BCAR3: variants seen among roughly 807,000 people sequenced by gnomAD.
The protein encoded by BCAR3 is breast cancer anti-estrogen resistance protein 3.
A neutral mutation model predicts 80.1 loss-of-function variants in BCAR3; 37 were observed. The observed-to-expected ratio is 0.46, with a 90% CI of 0.36 to 0.61. The LOEUF is 0.61. Among genes scored for constraint, BCAR3 ranks in the 20% least tolerant of loss-of-function variants. BCAR3 has a pLI of 0.00. For synonymous variants in BCAR3, 389 were observed against 418.9 expected, an observed-to-expected ratio of 0.93 and a Z score of 0.87; for missense variants, 978 against 1,068.2, an observed-to-expected ratio of 0.92 and a Z score of 1.18.
intron 2 of BCAR3, among the ~76,000 whole-genome samples, chr1:93,826,733 A>G (rs1169978258): frequency 6.6e-6 from 1 of 152,156 alleles, no homozygotes; most frequent in African/African-American, 2.4e-5. Flanking sequence ...CTCCTAAGGA[A>G]AGTACACTGA....
chr1:93,771,354 G>A (rs978920579), intron 2 of BCAR3, among the ~76,000 whole-genome samples: 1 of 152,200 alleles, frequency 6.6e-6, no homozygotes, highest in Non-Finnish European at 1.5e-5. Context: ...AATGGTAAGA[G>A]ACACGACATA....
At chr1:93,812,191 T>TTC (rs1341796543) in intron 2 of BCAR3, among the ~76,000 whole-genome samples, 6 of 152,196 alleles carry the variant, frequency 3.9e-5, no homozygotes, top group African/African-American at 1.4e-4. Context: ...AACAAATGGA[T>TTC]TCTTTGTGTA....
At chr1:93,774,684 C>T (rs10489601) in intron 2 of BCAR3, among the ~76,000 whole-genome samples, 17,845 of 152,146 alleles carry the variant, frequency 0.12, 1,474 homozygotes, top group African/African-American at 0.22. Flanking sequence ...TTCAGGAGAT[C>T]GTATGGCAAG....
At chr1:93,724,912 A>G (rs936902859) in intron 2 of BCAR3, among the ~76,000 whole-genome samples, 1 of 152,156 alleles carries the variant, frequency 6.6e-6, no homozygotes, top group African/African-American at 2.4e-5. Flanking sequence ...CTGAAACCCC[A>G]GGAAGGGGTT....
At chr1:93,626,944 A>G (rs1037612116) in intron 3 of BCAR3, among the ~76,000 whole-genome samples, 1 of 152,144 alleles carries the variant, frequency 6.6e-6, no homozygotes, top group African/African-American at 2.4e-5. Flanking sequence ...GGTTATTCAG[A>G]CTCGGGTATT....
Position 93,579,320 on chromosome 1 carries a change from T to G in BCAR3, c.1686+2981A>C, listed in dbSNP as rs1276171473. ...ATTTCCCTCTTAGAGATGCTGATTG[T>G]GCCCGCTTGGAAGTCAGTGGTTCCA... On this transcript the variant is annotated intron_variant, in intron 7 of 11. Transcript: ENST00000260502. Among the ~76,000 whole-genome samples, 3 of 152,290 alleles carry G rather than the reference T, an allele frequency of 2.0e-5. No homozygotes were observed. In the East Asian group the frequency reaches 5.8e-4, roughly 29 times the overall value.
At chr1:93,828,283 C>T (rs1203493750) in intron 2 of BCAR3, among the ~76,000 whole-genome samples, 2 of 152,046 alleles carry the variant, frequency 1.3e-5, no homozygotes, top group Non-Finnish European at 2.9e-5. Context: ...CCAGCCTGGG[C>T]GACAGAGCAA....
rs763904772 is a variant in BCAR3 at position 93,613,935 on chromosome 1, C to T, written c.358-21542G>A. The T allele has an allele frequency of 1.4e-5, 21 of 1,550,300 alleles. No individual in the cohort carries two copies. In the East Asian group the frequency reaches 2.0e-4, roughly 14 times the overall value. On this transcript the variant is annotated intron_variant, in intron 3 of 11. Transcript: ENST00000260502. ...AGCACTGCATTCCTTAGGCATCTTT[C>T]GGTCTTCAGTCCCGGGGACCACACA...
At chr1:93,833,026 C>T (rs1369183105) in intron 2 of BCAR3, among the ~76,000 whole-genome samples, 1 of 152,122 alleles carries the variant, frequency 6.6e-6, no homozygotes, top group Non-Finnish European at 1.5e-5. Context: ...AATCACCCTA[C>T]TGGGGGAACT....
At chr1:93,598,387 C>G (rs552290187) in intron 3 of BCAR3, among the ~76,000 whole-genome samples, 54 of 152,366 alleles carry the variant, frequency 3.5e-4, no homozygotes, top group African/African-American at 1.3e-3. Context: ...TACTCTATCC[C>G]TGCCTGTAAG....
intron 2 of BCAR3, among the ~76,000 whole-genome samples, chr1:93,765,307 G>C (rs1047841836): frequency 2.0e-5 from 3 of 152,128 alleles, no homozygotes; most frequent in African/African-American, 4.8e-5. Context: ...CACCATATAA[G>C]AATGGTCAGT....
chr1:93,740,030 C>T (rs1280458099), intron 2 of BCAR3, among the ~76,000 whole-genome samples: 3 of 144,184 alleles, frequency 2.1e-5, no homozygotes, highest in African/African-American at 5.3e-5. Context: ...AGTGAAACTC[C>T]GTCTCAAAAA....
intron 2 of BCAR3, among the ~76,000 whole-genome samples, chr1:93,777,656 C>T (rs1238486593): frequency 2.6e-5 from 4 of 152,052 alleles, no homozygotes; most frequent in African/African-American, 9.7e-5. Context: ...AACTCCTGGG[C>T]TCAAACAATC....
At chr1:93,667,330 G>A (rs892541826) in intron 2 of BCAR3, among the ~76,000 whole-genome samples, 1 of 152,192 alleles carries the variant, frequency 6.6e-6, no homozygotes, top group Non-Finnish European at 1.5e-5. Flanking sequence ...CCAGGGTCAA[G>A]TGTGAAAGTC....
At chr1:93,689,685 CCTGACTGCCTTCTTG>C (rs1391336895) in intron 3 of BCAR3, among the ~76,000 whole-genome samples, 1 of 152,108 alleles carries the variant, frequency 6.6e-6, no homozygotes, top group Non-Finnish European at 1.5e-5. Flanking sequence ...GCGATGGCCA[CCTGACTGCCTTCTTG>C]AGTTATGACC....
rs1200364207 is a variant in BCAR3 at position 93,582,269 on chromosome 1, G to A, written c.1686+32C>T. 3.8e-6 allele frequency: 6 copies of A among 1,593,498 alleles called. No homozygotes were observed. In the African/African-American group the frequency reaches 4.0e-5, roughly 11 times the overall value. ...CCTAGCTCTTACCAAACCTTGAAAAGCCAGAGGAGCACCAGGACCCCCAGC... is the reference window on the plus strand; with the variant it reads ...CCTAGCTCTTACCAAACCTTGAAAAACCAGAGGAGCACCAGGACCCCCAGC... On this transcript the variant is annotated intron_variant, in intron 7 of 11. Coordinates refer to ENST00000260502, the MANE Select transcript of BCAR3 (RefSeq NM_003567.4).
chr1:93,841,186 G>A (rs1010942259), intron 2 of BCAR3, among the ~76,000 whole-genome samples: 6 of 152,168 alleles, frequency 3.9e-5, no homozygotes, highest in Admixed American at 2.6e-4. Context: ...AAGCGCTTCC[G>A]GATCTTTGCC....
Position 93,716,933 on chromosome 1 carries a change from C to T in BCAR3, c.-62-10791G>A, listed in dbSNP as rs6541391. ...CACGAGTGGTGAAGCTGTAGATGGGCTCGGTAGATACAGACTGAGGCCACA... is the reference window on the plus strand; with the variant it reads ...CACGAGTGGTGAAGCTGTAGATGGGTTCGGTAGATACAGACTGAGGCCACA... On this transcript the variant is annotated intron_variant, in intron 2 of 13. Coordinates refer to the BCAR3 transcript ENST00000370244. 7.9e-3 allele frequency among the ~76,000 whole-genome samples: 1,197 copies of T among 152,270 alleles called. 20 individuals are homozygous for T. The highest frequency in any genetic ancestry group is 0.028 in the African/African-American group (1,152 of 41,544).
At chr1:93,624,480 G>A (rs983740367) in intron 3 of BCAR3, among the ~76,000 whole-genome samples, 3 of 152,224 alleles carry the variant, frequency 2.0e-5, no homozygotes, top group Non-Finnish European at 2.9e-5. Flanking sequence ...GTGTGGGCCC[G>A]TAGGGGTTTC....
Sources: gnomAD v4.1 joint callset for allele counts (sites outside exome capture counted in the v4.1 genomes callset) on GRCh38, gnomAD v4.1.1 for gene constraint, MANE v1.5 for transcripts, NCBI Gene and HGNC (gene_info 2026-07-23, HGNC 2026-07-21) for gene names.